The following OSBPL6 variants were observed in gnomAD, a reference collection of about 807,000 sequenced individuals.
OSBPL6 encodes oxysterol-binding protein-related protein 6.
In OSBPL6, 49 loss-of-function variants were observed where a neutral mutation model predicts 125.8. The observed-to-expected ratio is 0.39, with a 90% confidence interval of 0.31 to 0.49. The LOEUF is 0.49. Among genes scored for constraint, OSBPL6 ranks in the 20% least tolerant of loss-of-function variants. OSBPL6 has a pLI of 0.88. For missense variants in OSBPL6, 986 were observed against 1,135.4 expected (o/e 0.87, Z 1.89); for synonymous variants, 394 against 391.8 (o/e 1.01, Z -0.07).
rs781010352 is a variant in OSBPL6, at chr2:178,379,296, G to GAAGA, written c.1534-3113_1534-3110dup. On this transcript the variant is annotated intron_variant, in intron 15 of 24. Transcript: ENST00000190611. ...GAAAGAAAGAAAGAAAAGAAAGAAAGAAGAAAGAAAGAAACAGGAAGGAAG... is the reference window on the plus strand; with the variant it reads ...GAAAGAAAGAAAGAAAAGAAAGAAAGAAGAAAGAAAGAAAGAAACAGGAAGGAAG... Among the ~76,000 whole-genome samples the GAAGA allele has an allele frequency of 5.8e-4, 69 of 119,432 alleles. No homozygotes were observed. The East Asian group carries it at 0.018, about 31-fold the overall frequency. The allele number at this position is 119,432 out of a possible 152,430, so 78.4% of individuals were successfully genotyped here.
chr2:178,336,467 C>G, intron 9 of OSBPL6, 34 bp downstream of exon 9: 2 of 1,603,518 alleles, frequency 1.2e-6, no homozygotes, highest in Non-Finnish European at 1.7e-6. Flanking sequence ...TGAGAGTAAG[C>G]CAAAACCAAA....
At position 178,324,261 on chromosome 2, in the gene OSBPL6, C is replaced by T. The variant is rs770304042; in HGVS notation, c.187C>T (p.Leu63Phe). ...ATTGCTAGAACCGGAGCCAGTCCCCCTCTCCAAGGTCAGTGATGAAATGCG... is the reference window on the plus strand; with the variant it reads ...ATTGCTAGAACCGGAGCCAGTCCCCTTCTCCAAGGTCAGTGATGAAATGCG... ...RQLLEPEPVP[L>F]SKEADSWEII... Residue 63 changes from leucine to phenylalanine, a missense_variant, in exon 4 of 25, where the codon CTC becomes TTC. Transcript: ENST00000190611. 3 of 1,567,596 alleles carry T rather than the reference C, an allele frequency of 1.9e-6. No homozygotes were observed. Among genetic ancestry groups the T allele is most frequent in the South Asian group, 1.2e-5 (1 of 85,524 alleles).
chr2:178,238,903 A>G (rs1375540139), intron 1 of OSBPL6, among the ~76,000 whole-genome samples: 1 of 152,096 alleles, frequency 6.6e-6, no homozygotes, highest in Non-Finnish European at 1.5e-5. Flanking sequence ...ACATTTTCTT[A>G]TCCCCTCTCC....
intron 1 of OSBPL6, among the ~76,000 whole-genome samples, chr2:178,261,810 A>G (rs1456872288): frequency 6.6e-6 from 1 of 152,134 alleles, no homozygotes; most frequent in Non-Finnish European, 1.5e-5. Flanking sequence ...TTCTTCAACT[A>G]TTTTCTCACT....
At chr2:178,262,529 T>G (rs1329160746) in intron 1 of OSBPL6, among the ~76,000 whole-genome samples, 1 of 152,206 alleles carries the variant, frequency 6.6e-6, no homozygotes, top group Non-Finnish European at 1.5e-5. Context: ...ATACCAGAAG[T>G]GTCATTGTGT....
chr2:178,269,273 C>T (rs1490124092), intron 1 of OSBPL6, among the ~76,000 whole-genome samples: 1 of 152,104 alleles, frequency 6.6e-6, no homozygotes, highest in Non-Finnish European at 1.5e-5. Context: ...ATTGTGTTTG[C>T]CAACCTGGAA....
intron 4 of OSBPL6, among the ~76,000 whole-genome samples, chr2:178,324,844 T>TA (rs1164922330): frequency 1.3e-5 from 2 of 152,172 alleles, no homozygotes; most frequent in Non-Finnish European, 2.9e-5. Context: ...AATTCAAACT[T>TA]AGACTTGTCC....
intron 2 of OSBPL6, among the ~76,000 whole-genome samples, chr2:178,299,235 G>A (rs955172608): frequency 1.3e-5 from 2 of 152,134 alleles, no homozygotes; most frequent in Non-Finnish European, 2.9e-5. Flanking sequence ...ATGCATTTAA[G>A]GTTTTTCCAT....
At position 178,400,122 on chromosome 2, in the gene OSBPL6, C is replaced by T. The variant is rs146660266; in HGVS notation, c.*4563C>T. 1 of 151,510 alleles carries T rather than the reference C, an allele frequency of 6.6e-6. No homozygotes were observed. Among genetic ancestry groups the T allele is most frequent in the Non-Finnish European group, 1.5e-5 (1 of 67,948 alleles). The allele number at this position is 151,510 out of a possible 1,614,324, so 9.4% of individuals were successfully genotyped here. A position where few individuals can be genotyped will look rare whatever the true frequency, so the allele number is the denominator to read the frequency against. ...TTAATTCATAAAGTGAGCAATTGAA[C>T]TTCTTAATACTGTTAGAGAATATGC... On this transcript the variant is annotated 3_prime_UTR_variant, in exon 25 of 25. Transcript: ENST00000190611.
chr2:178,197,031 AT>A lies in OSBPL6; in HGVS notation c.-351+2371del, dbSNP rs5836646. On this transcript the variant is annotated intron_variant, in intron 1 of 24. Transcript: ENST00000190611. The stretch of plus-strand genomic sequence containing the variant: ...TGTTTCTCTTTTCTCCTCTCTGACC[AT>A]TTTTTTTTTTTTTGAGATATTGCAG... 3.3e-3 allele frequency among the ~76,000 whole-genome samples: 470 copies of A among 140,882 alleles called. 3 individuals are homozygous for A. Among genetic ancestry groups the A allele is most frequent in the African/African-American group, 9.2e-3 (352 of 38,340 alleles). 92.4% of individuals were successfully genotyped at this position (140,882 alleles called of 152,430 possible). A position where few individuals can be genotyped will look rare whatever the true frequency, so the allele number is the denominator to read the frequency against.
chr2:178,324,450 A>G (rs780569263), intron 4 of OSBPL6, among the ~76,000 whole-genome samples, 181 bp downstream of exon 4: 9 of 152,240 alleles, frequency 5.9e-5, no homozygotes, highest in Admixed American at 1.3e-4. Context: ...AAGAGAGAAC[A>G]GAGAATGTAT....
intron 2 of OSBPL6, among the ~76,000 whole-genome samples, chr2:178,302,633 C>CA (rs1363046017): frequency 6.6e-6 from 1 of 152,080 alleles, no homozygotes; most frequent in Non-Finnish European, 1.5e-5. Context: ...ACAATAACCT[C>CA]AAAAACAATT....
chr2:178,290,404 T>C (rs1685135595), intron 2 of OSBPL6, among the ~76,000 whole-genome samples: 1 of 149,606 alleles, frequency 6.7e-6, no homozygotes, highest in African/African-American at 2.4e-5. Context: ...TTGTTATGTT[T>C]CACATACTTA....
chr2:178,271,254 CT>C (rs2092369794), intron 1 of OSBPL6, among the ~76,000 whole-genome samples: 1 of 152,030 alleles, frequency 6.6e-6, no homozygotes, highest in Admixed American at 6.6e-5. Flanking sequence ...ATACAGGAAG[CT>C]TTAGTCATAA....
intron 3 of OSBPL6, among the ~76,000 whole-genome samples, chr2:178,313,000 A>C (rs139146467): frequency 0.028 from 4,308 of 151,982 alleles, 193 homozygotes; most frequent in African/African-American, 0.098. Context: ...GGTTCAAGCA[A>C]TTATCCTGCC....
intron 1 of OSBPL6, among the ~76,000 whole-genome samples, chr2:178,213,102 C>T (rs1466375900): frequency 1.3e-5 from 2 of 152,074 alleles, no homozygotes; most frequent in Admixed American, 6.5e-5. Flanking sequence ...CCAACACGCC[C>T]GGCCGAGCAC....
chr2:178,197,305 G>A (rs539613372), intron 1 of OSBPL6, among the ~76,000 whole-genome samples: 2 of 152,274 alleles, frequency 1.3e-5, no homozygotes, highest in African/African-American at 4.8e-5. Flanking sequence ...TTTTTAGAAA[G>A]CAAGAGAATG....
chr2:178,258,831 G>A (rs1487277519), intron 1 of OSBPL6, among the ~76,000 whole-genome samples: 4 of 151,590 alleles, frequency 2.6e-5, no homozygotes, highest in African/African-American at 7.3e-5. Flanking sequence ...CTCTCTGTAT[G>A]TGTTCTTTTG....
chr2:178,308,192 C>G (rs1164044377), intron 3 of OSBPL6, among the ~76,000 whole-genome samples: 2 of 152,182 alleles, frequency 1.3e-5, no homozygotes, highest in Non-Finnish European at 2.9e-5. Flanking sequence ...GTCTGTCTAC[C>G]TCCCTAAGGG....
Sources: allele counts gnomAD v4.1 joint callset (sites outside exome capture counted in the v4.1 genomes callset), GRCh38; gene constraint gnomAD v4.1.1; transcripts MANE v1.5; gene names NCBI Gene and HGNC (gene_info 2026-07-23, HGNC 2026-07-21).